PRICKLE1: variants seen among roughly 807,000 people sequenced by gnomAD.
PRICKLE1 encodes prickle planar cell polarity protein 1.
A neutral mutation model predicts 70.2 loss-of-function variants in PRICKLE1; 14 were observed. The ratio of observed to expected loss-of-function variants is 0.20; its 90% CI spans 0.13 to 0.31. The LOEUF (loss-of-function observed/expected upper bound fraction) is 0.31. PRICKLE1 is among the 10% of genes least tolerant of loss of function. The probability of loss-of-function intolerance (pLI) is 1.00; values close to 1 mark genes in which losing one functional copy is unlikely to be tolerated. For synonymous variants in PRICKLE1, 357 were observed against 379.9 expected (o/e 0.94, Z 0.70); for missense variants, 821 against 1,026.2 (o/e 0.80, Z 2.73).
chr12:42,488,240 G>A (rs1460360947), intron 1 of PRICKLE1, among the ~76,000 whole-genome samples: 14 of 152,030 alleles, frequency 9.2e-5, no homozygotes, highest in Admixed American at 9.2e-4. Context: ...TATTTCCTGG[G>A]TCTCTAAAGA....
intron 1 of PRICKLE1, 132 bp from the exon 2 acceptor site, chr12:42,472,696 C>G (rs750180399): frequency 3.3e-5 from 24 of 733,772 alleles, no homozygotes; most frequent in Non-Finnish European, 4.9e-5. Context: ...TTACTACTGT[C>G]ACCACCCCCA....
intron 1 of PRICKLE1, among the ~76,000 whole-genome samples, chr12:42,555,179 C>T (rs1259192271): frequency 6.6e-6 from 1 of 152,078 alleles, no homozygotes; most frequent in Non-Finnish European, 1.5e-5. Flanking sequence ...TGGTGCACGC[C>T]TGTAATCCCA....
At chr12:42,559,610 A>G (rs1419339689) in intron 1 of PRICKLE1, among the ~76,000 whole-genome samples, 48 of 79,830 alleles carry the variant, frequency 6.0e-4, no homozygotes, top group East Asian at 1.1e-3. Flanking sequence ...GTGTGTGTAT[A>G]TATATATATA....
In PRICKLE1 at chr12:42,519,193, C is replaced by CTTTTTTTTTTTTT. The variant is rs11342397; in HGVS notation, c.-48-46642_-48-46630dup. ...TACTGAATTTCCTTTCCTTTTTTTC[C>CTTTTTTTTTTTTT]TTTTTTTTTTTTTTTTTTTTGAGAT... On this transcript the variant is annotated intron_variant, in intron 1 of 7. Coordinates refer to ENST00000345127, the MANE Select transcript of PRICKLE1 (RefSeq NM_153026.3). 6.9e-4 allele frequency among the ~76,000 whole-genome samples: 68 copies of CTTTTTTTTTTTTT among 99,204 alleles called. 1 individual carries two copies. The highest frequency in any genetic ancestry group is 1.6e-3 in the East Asian group (5 of 3,100). 65.1% of individuals were successfully genotyped at this position (99,204 alleles called of 152,430 possible).
In PRICKLE1 at chr12:42,496,683, TCACC is replaced by T. The variant is rs1397436465; in HGVS notation, c.-48-24123_-48-24120del. On this transcript the variant is annotated intron_variant, in intron 1 of 7. Transcript: ENST00000345127. ...AGCTTCTCCATCACCACTCGCTACTTCACCTTGCACTTTCATGTTAGAGAGATGG... is the reference window on the plus strand; with the variant it reads ...AGCTTCTCCATCACCACTCGCTACTTTTGCACTTTCATGTTAGAGAGATGG... Among the ~76,000 whole-genome samples the T allele has an allele frequency of 7.7e-4, 117 of 152,338 alleles. 1 individual carries two copies. Among genetic ancestry groups the T allele is most frequent in the African/African-American group, 2.7e-3 (114 of 41,550 alleles).
At chr12:42,524,354 T>C (rs755886712) in intron 1 of PRICKLE1, among the ~76,000 whole-genome samples, 6 of 152,208 alleles carry the variant, frequency 3.9e-5, no homozygotes, top group Non-Finnish European at 8.8e-5. Flanking sequence ...GGACCTGAAA[T>C]AATCAAAGGA....
At chr12:42,563,465 C>G (rs563341324) in intron 1 of PRICKLE1, among the ~76,000 whole-genome samples, 1 of 151,166 alleles carries the variant, frequency 6.6e-6, no homozygotes, top group Non-Finnish European at 1.5e-5. Flanking sequence ...TTTGAGAGGC[C>G]GAGGCGGGCA....
At chr12:42,465,323 A>T in intron 6 of PRICKLE1, 65 bp from the exon 7 acceptor site, 2 of 1,504,862 alleles carry the variant, frequency 1.3e-6, no homozygotes, top group Non-Finnish European at 1.8e-6. Flanking sequence ...GGTATAAGGA[A>T]GAAACGAAGA....
At chr12:42,555,129 C>A (rs987554419) in intron 1 of PRICKLE1, among the ~76,000 whole-genome samples, 1 of 152,006 alleles carries the variant, frequency 6.6e-6, no homozygotes, top group African/African-American at 2.4e-5. Flanking sequence ...ATGGTGAAAC[C>A]CTGTCTCCAC....
Position 42,457,047 on chromosome 12 carries a change from G to A in PRICKLE1, c.*2762C>T, listed in dbSNP as rs1264952858. The stretch of plus-strand genomic sequence containing the variant: ...AAAAAATTAGCCGAGCATGGTGGCA[G>A]GCACCTGTAATCTCAGCTACTCCGG... On this transcript the variant is annotated 3_prime_UTR_variant, in exon 8 of 8. Transcript: ENST00000345127. 1 of 152,066 alleles carries A rather than the reference G, an allele frequency of 6.6e-6. No homozygotes were observed. Among genetic ancestry groups the A allele is most frequent in the African/African-American group, 2.4e-5 (1 of 41,374 alleles). The allele number at this position is 152,066 out of a possible 1,614,324, so 9.4% of individuals were successfully genotyped here.
chr12:42,468,003 T>C (rs188663835), intron 5 of PRICKLE1, among the ~76,000 whole-genome samples: 6 of 152,312 alleles, frequency 3.9e-5, no homozygotes, highest in African/African-American at 1.2e-4. Flanking sequence ...ACACTGCTGA[T>C]AATTTCTTAG....
At chr12:42,505,493 T>C (rs1366911830) in intron 1 of PRICKLE1, among the ~76,000 whole-genome samples, 1 of 152,178 alleles carries the variant, frequency 6.6e-6, no homozygotes, top group Non-Finnish European at 1.5e-5. Flanking sequence ...TGGAGTGCAG[T>C]GGTGTGATCT....
At chr12:42,528,404 T>C (rs1939852252) in intron 1 of PRICKLE1, among the ~76,000 whole-genome samples, 1 of 152,164 alleles carries the variant, frequency 6.6e-6, no homozygotes, top group East Asian at 1.9e-4. Flanking sequence ...GAAGTCTTAC[T>C]GAAGCAAAAA....
intron 1 of PRICKLE1, among the ~76,000 whole-genome samples, chr12:42,550,012 T>C (rs543943289): frequency 6.6e-6 from 1 of 152,372 alleles, no homozygotes; most frequent in Admixed American, 6.5e-5. Context: ...TGATTCTTGT[T>C]TGACACCTTT....
chr12:42,491,867 C>T (rs1445839346), intron 1 of PRICKLE1, among the ~76,000 whole-genome samples: 2 of 142,454 alleles, frequency 1.4e-5, no homozygotes, highest in Admixed American at 6.9e-5. Context: ...ACTGCAACCT[C>T]CACTTCCCCG....
At chr12:42,535,936 T>G (rs1219233991) in intron 1 of PRICKLE1, among the ~76,000 whole-genome samples, 1 of 152,212 alleles carries the variant, frequency 6.6e-6, no homozygotes, top group Non-Finnish European at 1.5e-5. Flanking sequence ...CCTTTCCCCC[T>G]TGGAGTTCAT....
At chr12:42,460,782 T>G in intron 7 of PRICKLE1, 117 bp from the exon 8 acceptor site, 3 of 1,235,820 alleles carry the variant, frequency 2.4e-6, no homozygotes, top group Non-Finnish European at 3.5e-6. Flanking sequence ...CAATATTTGA[T>G]TAAAACCCAT....
chr12:42,551,337 T>A (rs1940312231), intron 1 of PRICKLE1, among the ~76,000 whole-genome samples: 1 of 152,254 alleles, frequency 6.6e-6, no homozygotes, highest in Non-Finnish European at 1.5e-5. Context: ...CTTCTGGGTC[T>A]GATACCTGTG....
At chr12:42,479,782 C>A (rs1230497972) in intron 1 of PRICKLE1, among the ~76,000 whole-genome samples, 3 of 151,868 alleles carry the variant, frequency 2.0e-5, no homozygotes, top group Non-Finnish European at 4.4e-5. Flanking sequence ...ATGGTGAAAC[C>A]CCATCTCTAC....
Sources: allele counts gnomAD v4.1 joint callset (sites outside exome capture counted in the v4.1 genomes callset), GRCh38; gene constraint gnomAD v4.1.1; transcripts MANE v1.5; gene names NCBI Gene and HGNC (gene_info 2026-07-23, HGNC 2026-07-21).